Variants in CREBBP observed in about 807,000 individuals in gnomAD.
CREBBP encodes the protein CREB-binding protein.
Under a neutral mutation model 265.0 loss-of-function variants are expected in CREBBP, and 19 were observed. The observed-to-expected ratio is 0.07, with a 90% CI of 0.05 to 0.11. CREBBP has a LOEUF of 0.11. Ranked by LOEUF, CREBBP falls within the 10% of genes least tolerant of loss-of-function variation. CREBBP has a pLI of 1.00. For synonymous variants in CREBBP, 1,457 were observed against 1,223.7 expected (o/e 1.19, Z -3.98); for missense variants, 2,525 against 3,219.0 (o/e 0.78, Z 5.22).
At chr16:3,797,105 C>T (rs989825434) in intron 3 of CREBBP, among the ~76,000 whole-genome samples, 3 of 152,184 alleles carry the variant, frequency 2.0e-5, no homozygotes, top group Non-Finnish European at 2.9e-5. Context: ...TCCCAACCTC[C>T]CTGCCCAGTT....
intron 1 of CREBBP, among the ~76,000 whole-genome samples, chr16:3,860,260 C>T (rs2055046936): frequency 6.6e-6 from 1 of 152,230 alleles, no homozygotes; most frequent in African/African-American, 2.4e-5. Context: ...ATAGCCCTGA[C>T]TACTCAAATG....
rs2052891084 is a variant in CREBBP, at chr16:3,767,745, T to A, written c.3225A>T (p.Thr1075=). The change falls in exon 16 of 31, where the codon ACA becomes ACT. Residue 1075 remains threonine (T), a synonymous_variant. Transcript: ENST00000262367. The part of the protein sequence containing the change: ...SSSNGTASQS[T]SPSQPRKKIF... ...TTTTTTTGCGCGGCTGCGAAGGAGA[T>A]GTTGACTGAGAGGCTGTGCCGTTAC... The A allele has an allele frequency of 6.2e-7, 1 of 1,614,264 alleles. No individual in the cohort carries two copies. Among genetic ancestry groups the A allele is most frequent in the Non-Finnish European group, 8.5e-7 (1 of 1,180,052 alleles).
chr16:3,807,380 C>G lies in CREBBP; in HGVS notation c.975+3223G>C, dbSNP rs183712413. ...GACACCAAATTTAGTTGGGTACCCC[C>G]TAAAGCATGACAATAAATGCAAATA... On this transcript the variant is annotated intron_variant, in intron 3 of 30. Transcript: ENST00000262367. 2.0e-5 allele frequency among the ~76,000 whole-genome samples: 3 copies of G among 152,248 alleles called. No individual in the cohort carries two copies. The East Asian group carries it at 5.8e-4, about 29-fold the overall frequency.
At chr16:3,760,779 C>A (rs886937537) in intron 16 of CREBBP, among the ~76,000 whole-genome samples, 1 of 152,024 alleles carries the variant, frequency 6.6e-6, no homozygotes, top group Admixed American at 6.6e-5. Context: ...AATGTAGTGG[C>A]GCCATCATAG....
At chr16:3,822,682 A>G (rs1199960983) in intron 2 of CREBBP, among the ~76,000 whole-genome samples, 2 of 152,242 alleles carry the variant, frequency 1.3e-5, no homozygotes, top group East Asian at 1.9e-4. Context: ...CCATAAATCT[A>G]AAAGTGTAAA....
At chr16:3,842,489 G>A (rs759658166) in intron 2 of CREBBP, among the ~76,000 whole-genome samples, 2 of 152,076 alleles carry the variant, frequency 1.3e-5, no homozygotes, top group African/African-American at 2.4e-5. Context: ...AAGACGAAAT[G>A]TTAAGTTTTG....
chr16:3,767,048 G>A (rs1596876914), intron 16 of CREBBP, among the ~76,000 whole-genome samples: 1 of 152,046 alleles, frequency 6.6e-6, no homozygotes, highest in African/African-American at 2.4e-5. Flanking sequence ...TCTGAGTCCT[G>A]TCTCCCATTT....
intron 5 of CREBBP, among the ~76,000 whole-genome samples, chr16:3,788,522 G>T (rs138309986): frequency 3.9e-4 from 59 of 152,280 alleles, no homozygotes; most frequent in African/African-American, 1.4e-3. Context: ...GAATTTACTG[G>T]AGGTCAGATG....
chr16:3,779,172 A>G (rs557963080), intron 8 of CREBBP, among the ~76,000 whole-genome samples: 127 of 150,990 alleles, frequency 8.4e-4, no homozygotes, highest in Non-Finnish European at 1.4e-3. Flanking sequence ...ATACCAAAAA[A>G]AGAAGAAAAA....
chr16:3,850,213 G>T, intron 2 of CREBBP, 84 bp downstream of exon 2: 1 of 1,379,080 alleles, frequency 7.3e-7, no homozygotes. Context: ...ACAGGAGTGG[G>T]CCACGTGGTC....
At chr16:3,800,370 T>C (rs1198159390) in intron 3 of CREBBP, among the ~76,000 whole-genome samples, 2 of 152,208 alleles carry the variant, frequency 1.3e-5, no homozygotes, top group African/African-American at 4.8e-5. Flanking sequence ...TATCTCGCCT[T>C]GGCCTCCCAA....
intron 13 of CREBBP, among the ~76,000 whole-genome samples, chr16:3,771,832 AC>A (rs1368234773): frequency 1.8e-4 from 26 of 147,258 alleles, no homozygotes; most frequent in African/African-American, 6.6e-4. Flanking sequence ...AAAAAAAAAG[AC>A]AGAGTCTCGC....
At chr16:3,799,094 C>G (rs2053662508) in intron 3 of CREBBP, among the ~76,000 whole-genome samples, 1 of 152,156 alleles carries the variant, frequency 6.6e-6, no homozygotes, top group African/African-American at 2.4e-5. Flanking sequence ...TTCTGTGATT[C>G]AATTTCTAGG....
intron 2 of CREBBP, among the ~76,000 whole-genome samples, chr16:3,829,104 T>C (rs1424457480): frequency 6.6e-6 from 1 of 152,184 alleles, no homozygotes; most frequent in Admixed American, 6.5e-5. Context: ...CCTTAGATAT[T>C]TTAACTTGGT....
At chr16:3,734,118 G>A (rs1337124388) in intron 28 of CREBBP, among the ~76,000 whole-genome samples, 1 of 152,068 alleles carries the variant, frequency 6.6e-6, no homozygotes, top group Non-Finnish European at 1.5e-5. Flanking sequence ...CACGAAGCTG[G>A]GACTGCACAC....
chr16:3,784,113 C>T (rs2053335297), intron 5 of CREBBP, among the ~76,000 whole-genome samples: 1 of 152,146 alleles, frequency 6.6e-6, no homozygotes, highest in South Asian at 2.1e-4. Flanking sequence ...TGCTATAACA[C>T]ACCATTTTTG....
chr16:3,870,699 C>G (rs567709627), intron 1 of CREBBP, among the ~76,000 whole-genome samples: 1 of 152,304 alleles, frequency 6.6e-6, no homozygotes, highest in African/African-American at 2.4e-5. Context: ...CAGTGAGAAG[C>G]CTCCTGATTC....
At chr16:3,871,618 C>T (rs2055301664) in intron 1 of CREBBP, among the ~76,000 whole-genome samples, 1 of 152,192 alleles carries the variant, frequency 6.6e-6, no homozygotes, top group African/African-American at 2.4e-5. Context: ...TGTTATCATA[C>T]AGAACAGTGA....
At position 3,773,937 on chromosome 16, in the gene CREBBP, GACA is replaced by G; in HGVS notation, c.2284-10_2284-8del. ...GGGAAGGAGAAATGGCCATCTACGA[GACA>G]ACAAGCACCACCAGAGCTGTAGTTC... On this transcript the variant is annotated splice_polypyrimidine_tract_variant and splice_region_variant and intron_variant, in intron 12 of 30. Coordinates refer to ENST00000262367, the MANE Select transcript of CREBBP (RefSeq NM_004380.3). 6.2e-7 allele frequency: 1 copy of G among 1,612,196 alleles called. No homozygotes were observed. Among genetic ancestry groups the G allele is most frequent in the Non-Finnish European group, 8.5e-7 (1 of 1,180,010 alleles).
Sources: gnomAD v4.1 joint callset for allele counts (sites outside exome capture counted in the v4.1 genomes callset) on GRCh38, gnomAD v4.1.1 for gene constraint, MANE v1.5 for transcripts, NCBI Gene and HGNC (gene_info 2026-07-23, HGNC 2026-07-21) for gene names.